Variants in RYR3 observed in about 807,000 individuals in gnomAD.
The protein encoded by RYR3 is brain ryanodine receptor-calcium release channel.
In RYR3, 207 loss-of-function variants were observed where a neutral mutation model predicts 584.3. The observed-to-expected ratio is 0.35, with a 90% CI of 0.32 to 0.40. RYR3 has a LOEUF of 0.40. RYR3 is among the 10% of genes least tolerant of loss of function. RYR3 has a pLI of 1.00. For missense variants in RYR3, 5,616 were observed against 6,089.2 expected (o/e 0.92, Z 2.59); for synonymous variants, 2,416 against 2,248.5 (o/e 1.07, Z -2.11).
chr15:33,564,708 T>C (rs775376371), intron 11 of RYR3, among the ~76,000 whole-genome samples: 2 of 152,196 alleles, frequency 1.3e-5, no homozygotes, highest in African/African-American at 2.4e-5. Context: ...TCTGTAAATG[T>C]GGAGAGATCT....
At chr15:33,680,129 G>T (rs1018302017) in intron 38 of RYR3, among the ~76,000 whole-genome samples, 1 of 152,142 alleles carries the variant, frequency 6.6e-6, no homozygotes, top group Non-Finnish European at 1.5e-5. Flanking sequence ...GAGAATAATA[G>T]TAGCTCCTAT....
intron 1 of RYR3, among the ~76,000 whole-genome samples, chr15:33,400,611 C>T (rs760159169): frequency 3.9e-5 from 6 of 152,120 alleles, no homozygotes; most frequent in Middle Eastern, 3.2e-3. Flanking sequence ...TTTCTTCCTT[C>T]GTGGTGAGTT....
chr15:33,692,466 T>C (rs2065501615), intron 38 of RYR3, among the ~76,000 whole-genome samples: 1 of 152,132 alleles, frequency 6.6e-6, no homozygotes, highest in Admixed American at 6.5e-5. Context: ...TTCATAGTTA[T>C]TGTTTCTCTC....
intron 43 of RYR3, among the ~76,000 whole-genome samples, chr15:33,712,217 A>T (rs1340808917): frequency 6.6e-6 from 1 of 152,222 alleles, no homozygotes; most frequent in Non-Finnish European, 1.5e-5. Flanking sequence ...GCCTCAAGCC[A>T]TGAGGGATCT....
At chr15:33,513,349 C>T (rs879499588) in intron 3 of RYR3, among the ~76,000 whole-genome samples, 115 of 152,210 alleles carry the variant, frequency 7.6e-4, no homozygotes, top group Non-Finnish European at 1.4e-3. Context: ...CTGATCTCAG[C>T]TGGCATTTTC....
At chr15:33,601,336 C>G in intron 16 of RYR3, 83 bp from the exon 17 acceptor site, 1,140 of 1,323,306 alleles carry the variant, frequency 8.6e-4, no homozygotes, top group Non-Finnish European at 1.1e-3. Flanking sequence ...CCTTTATGGA[C>G]TCCTTCCCTC....
intron 1 of RYR3, among the ~76,000 whole-genome samples, chr15:33,350,665 G>T (rs985168979): frequency 1.3e-5 from 2 of 151,846 alleles, no homozygotes; most frequent in Non-Finnish European, 2.9e-5. Context: ...TGACTACTGG[G>T]TACATAACGA....
At chr15:33,783,860 A>G (rs2074543473) in intron 65 of RYR3, among the ~76,000 whole-genome samples, 1 of 152,222 alleles carries the variant, frequency 6.6e-6, no homozygotes, top group African/African-American at 2.4e-5. Flanking sequence ...CAGACTCATT[A>G]TCTGCAAATG....
Position 33,382,516 on chromosome 15 carries a change from T to C in RYR3, c.51+71420T>C, listed in dbSNP as rs192997682. Among the ~76,000 whole-genome samples the C allele has an allele frequency of 2.4e-3, 366 of 151,964 alleles. 3 individuals are homozygous for C. The highest frequency in any genetic ancestry group is 8.4e-3 in the African/African-American group (349 of 41,436). On this transcript the variant is annotated intron_variant, in intron 1 of 103. Coordinates refer to ENST00000634891, the MANE Select transcript of RYR3 (RefSeq NM_001036.6). Reference sequence around the variant, plus strand: ...TTTCATATTTTTAGTAGAGACAGGGTTTCACCATATTAGTCAGGCTGCTCT... The same window carrying C: ...TTTCATATTTTTAGTAGAGACAGGGCTTCACCATATTAGTCAGGCTGCTCT...
intron 1 of RYR3, among the ~76,000 whole-genome samples, chr15:33,367,503 A>C (rs1975675483): frequency 6.6e-6 from 1 of 152,210 alleles, no homozygotes; most frequent in Admixed American, 6.5e-5. Flanking sequence ...ACCTTCACAC[A>C]GTTTGTCCAG....
chr15:33,844,239 C>A (rs2078568051), intron 92 of RYR3, among the ~76,000 whole-genome samples: 1 of 152,078 alleles, frequency 6.6e-6, no homozygotes, highest in South Asian at 2.1e-4. Flanking sequence ...CTTCTGTTGC[C>A]CATAAAAGAA....
At chr15:33,531,347 A>G (rs2141053705) in intron 4 of RYR3, among the ~76,000 whole-genome samples, 1 of 152,130 alleles carries the variant, frequency 6.6e-6, no homozygotes, top group South Asian at 2.1e-4. Context: ...ATATAATTTT[A>G]CAATATTTTA....
intron 1 of RYR3, among the ~76,000 whole-genome samples, chr15:33,449,750 G>T (rs2046955500): frequency 6.6e-6 from 1 of 152,104 alleles, no homozygotes; most frequent in Non-Finnish European, 1.5e-5. Context: ...AGAAGTTTTG[G>T]CAAGGTGTAT....
intron 36 of RYR3, among the ~76,000 whole-genome samples, chr15:33,664,589 G>GTGTATATATATATA (rs577496539): frequency 0.025 from 2,248 of 91,180 alleles, 60 homozygotes; most frequent in Middle Eastern, 0.042. Flanking sequence ...GTGTGTGTGT[G>GTGTATATATATATA]TATATATATA....
chr15:33,841,736 T>C, intron 90 of RYR3, 128 bp from the exon 91 acceptor site: 1 of 893,114 alleles, frequency 1.1e-6, no homozygotes, highest in East Asian at 2.7e-5. Context: ...AGACCTGAAG[T>C]TTCCACCTTC....
At chr15:33,815,803 T>C in intron 74 of RYR3, 2 of 398,506 alleles carry the variant, frequency 5.0e-6, no homozygotes, top group Non-Finnish European at 8.8e-6. Flanking sequence ...GATGCTAGTT[T>C]TTAAAAGAAA....
At chr15:33,363,268 T>C (rs1023508743) in intron 1 of RYR3, among the ~76,000 whole-genome samples, 3 of 152,164 alleles carry the variant, frequency 2.0e-5, no homozygotes, top group Non-Finnish European at 4.4e-5. Context: ...ATTTCCCTCT[T>C]AGCCTCTCCC....
At chr15:33,798,155 C>T (rs891513122) in intron 67 of RYR3, among the ~76,000 whole-genome samples, 1 of 152,114 alleles carries the variant, frequency 6.6e-6, no homozygotes, top group African/African-American at 2.4e-5. Flanking sequence ...GGCACAATCT[C>T]GGTGCTCACT....
In RYR3 at chr15:33,561,792, T is replaced by C. The variant is rs566684447; in HGVS notation, c.973-1045T>C. Among the ~76,000 whole-genome samples, 10 of 151,390 alleles carry C rather than the reference T, an allele frequency of 6.6e-5. No homozygotes were observed. The South Asian group carries it at 2.1e-3, about 32-fold the overall frequency. ...GCCTGCACCTGGAGTCCTAGCTACTTGGGAGGGTAAGGTGGGAGGATCACT... is the reference window on the plus strand; with the variant it reads ...GCCTGCACCTGGAGTCCTAGCTACTCGGGAGGGTAAGGTGGGAGGATCACT... On this transcript the variant is annotated intron_variant, in intron 10 of 103. Transcript: ENST00000634891.
Sources: gnomAD v4.1 joint callset for allele counts (sites outside exome capture counted in the v4.1 genomes callset) on GRCh38, gnomAD v4.1.1 for gene constraint, MANE v1.5 for transcripts, NCBI Gene and HGNC (gene_info 2026-07-23, HGNC 2026-07-21) for gene names.